The following PKM variants were observed in gnomAD, a reference collection of about 807,000 sequenced individuals.
PKM encodes pyruvate kinase PKM.
Under a neutral mutation model 49.8 loss-of-function variants are expected in PKM, and 18 were observed. That is an observed-to-expected ratio of 0.36 (90% CI 0.25 to 0.54). The LOEUF is 0.54. PKM is among the 20% of genes least tolerant of loss of function. The probability of loss-of-function intolerance (pLI) is 0.89; values close to 1 mark genes in which losing one functional copy is unlikely to be tolerated. For synonymous variants in PKM, 239 were observed against 261.8 expected, an observed-to-expected ratio of 0.91 and a Z score of 0.84; for missense variants, 508 against 713.8, an observed-to-expected ratio of 0.71 and a Z score of 3.28.
chr15:72,200,329 G>A lies in PKM; in HGVS notation c.1489+145C>T. Reference sequence around the variant, plus strand: ...ATTCAGAATGAACATTCCCAATAAGGGAGAGGAACAGTCGCTGGGCCTTTT... The same window carrying A: ...ATTCAGAATGAACATTCCCAATAAGAGAGAGGAACAGTCGCTGGGCCTTTT... On this transcript the variant is annotated intron_variant, in intron 10 of 10. Transcript: ENST00000335181. This position sits in a 1 kb window ranked among gnomAD's most constrained non-coding sequence, Gnocchi z 4.6. 1 of 738,954 alleles carries A rather than the reference G, an allele frequency of 1.4e-6. No homozygotes were observed. Among genetic ancestry groups the A allele is most frequent in the Non-Finnish European group, 2.4e-6 (1 of 419,878 alleles). 45.8% of individuals were successfully genotyped at this position (738,954 alleles called of 1,614,324 possible).
chr15:72,230,804 G>T, intron 1 of PKM: 1 of 533,100 alleles, frequency 1.9e-6, no homozygotes, highest in Non-Finnish European at 3.1e-6. Context: ...GAAGGCAGGC[G>T]AGGATGGAGG....
In PKM at chr15:72,211,854, C is replaced by G. The variant is rs140908820; in HGVS notation, c.247-1376G>C. Among the ~76,000 whole-genome samples the G allele has an allele frequency of 5.8e-4, 88 of 151,700 alleles. No individual in the cohort carries two copies. The East Asian group carries it at 0.015, about 26-fold the overall frequency. ...ACGCAGAGCCAAGATGTCAAAAGAG[C>G]TCTAAGATAGTGTCATCAATAAGAC... On this transcript the variant is annotated intron_variant, in intron 3 of 10. Coordinates refer to ENST00000335181, the MANE Select transcript of PKM (RefSeq NM_002654.6).
At chr15:72,208,963 C>A in intron 5 of PKM, 72 bp from the exon 6 acceptor site, 3 of 1,507,854 alleles carry the variant, frequency 2.0e-6, no homozygotes, top group South Asian at 1.2e-5. Context: ...GCACCTTTCC[C>A]GCAAGGACAG....
At chr15:72,227,773 A>C (rs925143644) in intron 1 of PKM, among the ~76,000 whole-genome samples, 1 of 33,774 alleles carries the variant, frequency 3.0e-5, no homozygotes, top group African/African-American at 7.2e-5. Context: ...AAAAAAAAAA[A>C]ACAAAAAACT....
At chr15:72,203,588 T>C (rs778237195) in intron 8 of PKM, 1 of 294,968 alleles carries the variant, frequency 3.4e-6, no homozygotes, top group Non-Finnish European at 6.6e-6. Flanking sequence ...CCTCCTCACA[T>C]GGCTGGTTGA....
chr15:72,217,552 A>T, intron 2 of PKM, 52 bp from the exon 3 acceptor site: 2 of 1,196,540 alleles, frequency 1.7e-6, no homozygotes, highest in Admixed American at 1.7e-5. Context: ...AAGAAGGAAA[A>T]ACATTTAAGT....
At position 72,208,873 on chromosome 15, in the gene PKM, G is replaced by A. The variant is rs767741108; in HGVS notation, c.584C>T (p.Thr195Met). ...CAAGGAGCCACCATTTTCCACCTCC[G>A]TCACCAGGAAGTCGGCACCTGTATG... ...VKQKGADFLVTEVENGGSLGS... is the reference protein window; with the variant it reads ...VKQKGADFLVMEVENGGSLGS... The change falls in exon 6 of 11, where the codon ACG (threonine) becomes ATG (methionine). Residue 195 changes from threonine to methionine, a missense_variant. Coordinates refer to ENST00000335181, the MANE Select transcript of PKM (RefSeq NM_002654.6). The A allele has an allele frequency of 5.2e-5, 84 of 1,613,940 alleles. No individual in the cohort carries two copies. The highest frequency in any genetic ancestry group is 1.1e-4 in the South Asian group (10 of 91,068).
At chr15:72,228,276 G>A (rs1166224251) in intron 1 of PKM, among the ~76,000 whole-genome samples, 2 of 151,998 alleles carry the variant, frequency 1.3e-5, no homozygotes, top group East Asian at 3.9e-4. Context: ...TGCACAGACG[G>A]CATTAGCTGG....
At chr15:72,221,243 A>G in intron 1 of PKM, 1 of 1,535,550 alleles carries the variant, frequency 6.5e-7, no homozygotes, top group Non-Finnish European at 8.7e-7. Flanking sequence ...TGGCCTCACT[A>G]GCAAAGACCG....
intron 1 of PKM, among the ~76,000 whole-genome samples, chr15:72,223,868 C>T (rs1378537640): frequency 6.7e-6 from 1 of 150,126 alleles, no homozygotes; most frequent in African/African-American, 2.5e-5. Flanking sequence ...TACCAGGCTA[C>T]ACAGAACAAA....
rs1009042395 is a variant in PKM, at chr15:72,218,934, A to G, written c.154+10T>C. 1.2e-5 allele frequency: 20 copies of G among 1,613,934 alleles called. No individual in the cohort carries two copies. Among genetic ancestry groups the G allele is most frequent in the Non-Finnish European group, 1.7e-5 (20 of 1,179,974 alleles). On this transcript the variant is annotated intron_variant, in intron 2 of 10. Coordinates refer to ENST00000335181, the MANE Select transcript of PKM (RefSeq NM_002654.6). Reference sequence around the variant, plus strand: ...AGCCCTTTTTTGGGGGAAGGGGCACACCCACTCACCAATGGTACAGATGAT... The same window carrying G: ...AGCCCTTTTTTGGGGGAAGGGGCACGCCCACTCACCAATGGTACAGATGAT...
chr15:72,210,464 G>A lies in PKM; in HGVS notation c.261C>T (p.Thr87=), dbSNP rs1202237382. 1 of 1,614,020 alleles carries A rather than the reference G, an allele frequency of 6.2e-7. No homozygotes were observed. Among genetic ancestry groups the A allele is most frequent in the African/African-American group, 1.3e-5 (1 of 74,908 alleles). ...CCGTGGCTGTGCGCACATTCTTGAT[G>A]GTCTCCGCATGGTACTGGGGGAAAA... ...SHGTHEYHAE[T]IKNVRTATES... The change falls in exon 4 of 11, where the codon ACC becomes ACT. Residue 87 remains threonine (T), a synonymous_variant. Transcript: ENST00000335181.
At chr15:72,210,064 T>C in intron 4 of PKM, 2 of 633,896 alleles carry the variant, frequency 3.2e-6, no homozygotes, top group South Asian at 3.7e-5. Context: ...TGCTACTTAA[T>C]GATGGGGAAA....
upstream of PKM, chr15:72,231,274 G>C (rs1290113906): frequency 6.4e-6 from 1 of 156,302 alleles, no homozygotes; most frequent in Non-Finnish European, 1.4e-5. Context: ...CCCAATCCCG[G>C]CTCCGGGCGA....
At chr15:72,216,302 C>G (rs1343503439) in intron 3 of PKM, among the ~76,000 whole-genome samples, 1 of 152,176 alleles carries the variant, frequency 6.6e-6, no homozygotes, top group Non-Finnish European at 1.5e-5. Flanking sequence ...ATCCCATGAT[C>G]TATGGGAAAC....
Position 72,200,398 on chromosome 15 carries a change from T to G in PKM, c.1489+76A>C. ...TGTTCCCCTTTCTATTCCCCAAACT[T>G]TCGGGGTCCCACAGAAGCCAATGCT... On this transcript the variant is annotated intron_variant, in intron 10 of 10. Transcript: ENST00000335181. The surrounding 1 kb of genome is among the most constrained non-coding windows in gnomAD (Gnocchi z 4.6). 1 of 1,425,176 alleles carries G rather than the reference T, an allele frequency of 7.0e-7. No individual in the cohort carries two copies. Among genetic ancestry groups the G allele is most frequent in the East Asian group, 2.3e-5 (1 of 43,724 alleles). The allele number at this position is 1,425,176 out of a possible 1,614,324, so 88.3% of individuals were successfully genotyped here.
rs377014720 is a variant in PKM at position 72,202,524 on chromosome 15, C to T, written c.1237G>A (p.Ala413Thr). The change falls in exon 9 of 11, where the codon GCC becomes ACC. Residue 413 changes from alanine (A) to threonine (T), a missense_variant. By Grantham distance (58) the Ala-to-Thr change is moderately conservative. Transcript: ENST00000335181. This position sits in a 1 kb window ranked among gnomAD's most constrained non-coding sequence, Gnocchi z 4.5. ...PITSDPTEAT[A>T]VGAVEASFKC... ...AAGGAGGCCTCCACGGCACCCACGG[C>T]GGTGGCTTCTGTGGGGTCGCTGGTA... 4 of 1,613,488 alleles carry T rather than the reference C, an allele frequency of 2.5e-6. No homozygotes were observed. Among genetic ancestry groups the T allele is most frequent in the African/African-American group, 1.3e-5 (1 of 74,932 alleles).
intron 1 of PKM, among the ~76,000 whole-genome samples, chr15:72,228,413 T>C (rs1181458733): frequency 1.4e-5 from 2 of 140,102 alleles, no homozygotes; most frequent in African/African-American, 5.3e-5. Context: ...AGTCTCGCTC[T>C]GTCGCCCAGG....
intron 3 of PKM, among the ~76,000 whole-genome samples, chr15:72,214,564 G>C (rs1367661455): frequency 6.6e-6 from 1 of 152,002 alleles, no homozygotes; most frequent in East Asian, 1.9e-4. Flanking sequence ...GGGAGGCCAA[G>C]GCGGATGGAT....
Sources: gnomAD v4.1 joint callset for allele counts (sites outside exome capture counted in the v4.1 genomes callset) on GRCh38, gnomAD v4.1.1 for gene constraint, Gnocchi (gnomAD v3.1) non-coding constraint, MANE v1.5 for transcripts, NCBI Gene and HGNC (gene_info 2026-07-23, HGNC 2026-07-21) for gene names.